Variants in ABTB2 observed in about 807,000 individuals in gnomAD.
ABTB2 encodes ankyrin repeat and BTB/POZ domain-containing protein 2.
In ABTB2, 56 loss-of-function variants were observed where a neutral mutation model predicts 104.1. The ratio of observed to expected loss-of-function variants is 0.54; its 90% CI spans 0.43 to 0.67. ABTB2 has a LOEUF of 0.67. ABTB2 is among the 30% of genes least tolerant of loss of function. ABTB2 has a pLI of 0.00. For synonymous variants in ABTB2, 606 were observed against 608.2 expected, an observed-to-expected ratio of 1.00 and a Z score of 0.05; for missense variants, 1,279 against 1,407.7, an observed-to-expected ratio of 0.91 and a Z score of 1.46.
At chr11:34,268,148 G>T (rs1854272410) in intron 1 of ABTB2, among the ~76,000 whole-genome samples, 1 of 152,152 alleles carries the variant, frequency 6.6e-6, no homozygotes, top group African/African-American at 2.4e-5. Context: ...GCCCAGGCTG[G>T]TCTTGAACTC....
Position 34,171,001 on chromosome 11 carries a change from G to A in ABTB2, c.1468C>T (p.Leu490=). The A allele has an allele frequency of 6.2e-7, 1 of 1,614,220 alleles. No individual in the cohort carries two copies. The highest frequency in any genetic ancestry group is 8.5e-7 in the Non-Finnish European group (1 of 1,180,048). Residue 490 remains leucine, a synonymous_variant, in exon 5 of 17, where the codon CTG becomes TTG. Coordinates refer to ENST00000435224, the MANE Select transcript of ABTB2 (RefSeq NM_145804.3). ...RAATEKFNQD[L]GFRMLNCGRT... is the part of the protein sequence containing the mutation. ...CCACAGTTGAGCATGCGGAAACCCA[G>A]GTCCTGGTTGAATTTTTCAGTAGCT...
intron 2 of ABTB2, among the ~76,000 whole-genome samples, chr11:34,200,541 C>A (rs1286811955): frequency 2.0e-5 from 3 of 152,218 alleles, no homozygotes; most frequent in Non-Finnish European, 4.4e-5. Flanking sequence ...TAAAAACTTA[C>A]ACTGCGTGGC....
At position 34,264,644 on chromosome 11, in the gene ABTB2, A is replaced by G. The variant is rs1454324054; in HGVS notation, c.884-59954T>C. 2.0e-5 allele frequency among the ~76,000 whole-genome samples: 3 copies of G among 152,332 alleles called. No individual in the cohort carries two copies. In the East Asian group the frequency reaches 5.8e-4, roughly 29 times the overall value. ...GCCCAAACGGAGACTCAAAGCCAAT[A>G]TAATAGTCAACTACAATGCTCTCCC... On this transcript the variant is annotated intron_variant, in intron 1 of 16. Transcript: ENST00000435224.
At chr11:34,259,389 A>G (rs528512358) in intron 1 of ABTB2, among the ~76,000 whole-genome samples, 19 of 152,374 alleles carry the variant, frequency 1.2e-4, no homozygotes, top group African/African-American at 4.3e-4. Flanking sequence ...AGCAACCCTA[A>G]GCTCTTAAAA....
At chr11:34,352,979 T>C (rs1044127558) in intron 1 of ABTB2, among the ~76,000 whole-genome samples, 7 of 152,210 alleles carry the variant, frequency 4.6e-5, no homozygotes, top group Non-Finnish European at 8.8e-5. Flanking sequence ...GAGGAACCCT[T>C]AGAACCCAGG....
At chr11:34,309,774 G>A (rs1232139860) in intron 1 of ABTB2, among the ~76,000 whole-genome samples, 1 of 151,756 alleles carries the variant, frequency 6.6e-6, no homozygotes, top group Non-Finnish European at 1.5e-5. Flanking sequence ...ATTGTCATAG[G>A]AAGAGGTGAT....
intron 1 of ABTB2, among the ~76,000 whole-genome samples, chr11:34,230,060 G>A (rs2926462): frequency 0.67 from 101,914 of 152,042 alleles, 34,292 homozygotes; most frequent in Middle Eastern, 0.79. Flanking sequence ...TACCTGCCAG[G>A]CAATGGGCAA....
chr11:34,152,940 A>G (rs545917547), intron 16 of ABTB2, among the ~76,000 whole-genome samples: 32 of 152,292 alleles, frequency 2.1e-4, no homozygotes, highest in African/African-American at 6.5e-4. Context: ...CTGGATAAAG[A>G]TGTTCACTCA....
chr11:34,225,994 A>C (rs1853681208), intron 1 of ABTB2, among the ~76,000 whole-genome samples: 1 of 151,878 alleles, frequency 6.6e-6, no homozygotes, highest in African/African-American at 2.4e-5. Context: ...GCCTGAGCTC[A>C]GGAGTTTGAG....
chr11:34,184,021 G>A (rs1853061920), intron 3 of ABTB2, among the ~76,000 whole-genome samples: 2 of 151,780 alleles, frequency 1.3e-5, no homozygotes, highest in South Asian at 2.1e-4. Flanking sequence ...GGGCTTAAGC[G>A]ATCCTCCCAT....
chr11:34,238,998 CT>C (rs1490600500), intron 1 of ABTB2, among the ~76,000 whole-genome samples: 2 of 152,216 alleles, frequency 1.3e-5, no homozygotes, highest in Non-Finnish European at 2.9e-5. Context: ...AATAATCTGC[CT>C]GCTTCGGCCT....
At chr11:34,255,723 C>T (rs1854113762) in intron 1 of ABTB2, among the ~76,000 whole-genome samples, 1 of 152,142 alleles carries the variant, frequency 6.6e-6, no homozygotes, top group South Asian at 2.1e-4. Flanking sequence ...CACCATGTTG[C>T]CCAGGCTGGT....
chr11:34,259,004 C>T (rs1187221212), intron 1 of ABTB2, among the ~76,000 whole-genome samples: 3 of 152,200 alleles, frequency 2.0e-5, no homozygotes. Flanking sequence ...ACCTGCTGTT[C>T]TGCTCACATT....
chr11:34,195,211 G>C (rs1167871707), intron 3 of ABTB2, among the ~76,000 whole-genome samples: 1 of 152,170 alleles, frequency 6.6e-6, no homozygotes, highest in Non-Finnish European at 1.5e-5. Flanking sequence ...AGTCACCTTT[G>C]TGTGAATGAC....
intron 6 of ABTB2, among the ~76,000 whole-genome samples, chr11:34,167,604 TG>T (rs1224334493): frequency 2.6e-5 from 4 of 152,110 alleles, no homozygotes; most frequent in Admixed American, 6.5e-5. Flanking sequence ...TAGAAGTATT[TG>T]GGGATGGAAG....
At chr11:34,183,821 C>T (rs1853059405) in intron 3 of ABTB2, among the ~76,000 whole-genome samples, 1 of 152,210 alleles carries the variant, frequency 6.6e-6, no homozygotes, top group South Asian at 2.1e-4. Flanking sequence ...GCATGTTTCT[C>T]ACTCCTGGAG....
At chr11:34,192,066 G>A (rs1853182318) in intron 3 of ABTB2, among the ~76,000 whole-genome samples, 1 of 152,232 alleles carries the variant, frequency 6.6e-6, no homozygotes, top group Non-Finnish European at 1.5e-5. Context: ...CAAGGCAGGA[G>A]GGTCCCTTGA....
At chr11:34,343,610 GA>G (rs1312547490) in intron 1 of ABTB2, among the ~76,000 whole-genome samples, 2 of 150,494 alleles carry the variant, frequency 1.3e-5, no homozygotes, top group African/African-American at 4.8e-5. Context: ...GAGTAGCTGG[GA>G]TTACAGGCGC....
At chr11:34,180,805 C>A (rs190620169) in intron 3 of ABTB2, among the ~76,000 whole-genome samples, 2 of 152,198 alleles carry the variant, frequency 1.3e-5, no homozygotes, top group East Asian at 3.8e-4. Context: ...CCTGATTGTT[C>A]AATCCAAGGG....
Sources: gnomAD v4.1 joint callset for allele counts (sites outside exome capture counted in the v4.1 genomes callset) on GRCh38, gnomAD v4.1.1 for gene constraint, MANE v1.5 for transcripts, NCBI Gene and HGNC (gene_info 2026-07-23, HGNC 2026-07-21) for gene names.